The following ANKMY2 variants were observed in gnomAD, a reference collection of about 807,000 sequenced individuals.
The protein encoded by ANKMY2 is ankyrin repeat and MYND domain containing 2.
In ANKMY2, 36 loss-of-function variants were observed where a neutral mutation model predicts 50.4. The observed-to-expected ratio is 0.71, with a 90% CI of 0.55 to 0.94. The LOEUF is 0.94. ANKMY2 is among the 40% of genes least tolerant of loss of function. The pLI is 0.00. For synonymous variants in ANKMY2, 187 were observed against 178.8 expected, an observed-to-expected ratio of 1.05 and a Z score of -0.36; for missense variants, 565 against 524.0, an observed-to-expected ratio of 1.08 and a Z score of -0.76.
At chr7:16,644,443 G>T (rs1329709398) in intron 1 of ANKMY2, among the ~76,000 whole-genome samples, 7 of 152,116 alleles carry the variant, frequency 4.6e-5, no homozygotes, top group Non-Finnish European at 1.0e-4. Flanking sequence ...TTTCCTTGTC[G>T]CTATGAAGAA....
intron 2 of ANKMY2, among the ~76,000 whole-genome samples, chr7:16,634,691 C>T (rs893716421): frequency 6.6e-6 from 1 of 152,102 alleles, no homozygotes; most frequent in South Asian, 2.1e-4. Flanking sequence ...AGTGCCTGTT[C>T]CCACCAGCCA....
chr7:16,640,542 T>C (rs1404495067), intron 1 of ANKMY2, among the ~76,000 whole-genome samples: 1 of 152,092 alleles, frequency 6.6e-6, no homozygotes, highest in Non-Finnish European at 1.5e-5. Context: ...TTTTTATAGA[T>C]ACAGGGCCTT....
intron 7 of ANKMY2, among the ~76,000 whole-genome samples, chr7:16,606,113 G>C (rs115744277): frequency 6.6e-6 from 1 of 151,972 alleles, no homozygotes; most frequent in Non-Finnish European, 1.5e-5. Context: ...CACCGCGCCT[G>C]GCCTATAAAC....
chr7:16,614,596 T>C (rs937496073), intron 5 of ANKMY2, among the ~76,000 whole-genome samples: 2 of 152,202 alleles, frequency 1.3e-5, no homozygotes, highest in Admixed American at 6.5e-5. Context: ...GTAATAAGAT[T>C]ATACACATTT....
At chr7:16,634,244 T>C (rs1166700543) in intron 2 of ANKMY2, among the ~76,000 whole-genome samples, 1 of 152,242 alleles carries the variant, frequency 6.6e-6, no homozygotes, top group South Asian at 2.1e-4. Flanking sequence ...ACCAGAGTTA[T>C]CTTCTTCCTA....
At chr7:16,606,393 C>T (rs943569636) in intron 7 of ANKMY2, among the ~76,000 whole-genome samples, 4 of 150,980 alleles carry the variant, frequency 2.6e-5, no homozygotes, top group Non-Finnish European at 5.9e-5. Flanking sequence ...CGTGTCACTA[C>T]ACTCCAGCCT....
intron 1 of ANKMY2, 77 bp downstream of exon 1, chr7:16,645,430 G>A: frequency 1.4e-6 from 2 of 1,427,118 alleles, no homozygotes; most frequent in South Asian, 1.4e-5. Flanking sequence ...GGTCACCCAG[G>A]CCAGGAGCGC....
intron 4 of ANKMY2, among the ~76,000 whole-genome samples, chr7:16,617,930 T>G (rs117213247): frequency 0.27 from 36,524 of 136,168 alleles, 5,276 homozygotes; most frequent in South Asian, 0.34. Flanking sequence ...TTTTTTTTTT[T>G]TTTTTTTTTT....
intron 5 of ANKMY2, among the ~76,000 whole-genome samples, chr7:16,614,746 T>G (rs570069222): frequency 6.6e-6 from 1 of 152,338 alleles, no homozygotes; most frequent in Non-Finnish European, 1.5e-5. Context: ...TTTTACTACA[T>G]GATAGTAACG....
At position 16,604,823 on chromosome 7, in the gene ANKMY2, G is replaced by A; in HGVS notation, c.909C>T (p.Val303=). 1 of 1,613,884 alleles carries A rather than the reference G, an allele frequency of 6.2e-7. No homozygotes were observed. The highest frequency in any genetic ancestry group is 1.1e-5 in the South Asian group (1 of 91,054). ...EIGSDPTAFS[V]LTQAITGQVG... ...CCTGGCCAGTGATGGCTTGGGTAAG[G>A]ACGGAGAATGCAGTGGGATCAGAAC... Residue 303 remains valine, a synonymous_variant, in exon 8 of 10, where the codon GTC becomes GTT. Transcript: ENST00000306999.
chr7:16,601,395 G>T (rs1306144009), intron 9 of ANKMY2, among the ~76,000 whole-genome samples: 1 of 152,222 alleles, frequency 6.6e-6, no homozygotes, highest in African/African-American at 2.4e-5. Flanking sequence ...TTTGGTGCAT[G>T]AATGATGCTT....
At chr7:16,644,026 G>C (rs752287124) in intron 1 of ANKMY2, among the ~76,000 whole-genome samples, 1 of 152,080 alleles carries the variant, frequency 6.6e-6, no homozygotes, top group African/African-American at 2.4e-5. Context: ...AAGAGACAGC[G>C]AGAGCGAGAG....
chr7:16,626,550 C>T (rs1781509208), intron 3 of ANKMY2, among the ~76,000 whole-genome samples: 1 of 152,128 alleles, frequency 6.6e-6, no homozygotes, highest in Non-Finnish European at 1.5e-5. Context: ...TACAGATAAT[C>T]CCACTTAATT....
intron 4 of ANKMY2, 37 bp downstream of exon 4, chr7:16,624,946 G>C: frequency 6.4e-7 from 1 of 1,550,980 alleles, no homozygotes; most frequent in African/African-American, 1.4e-5. Context: ...GGGAAATTTT[G>C]GGTATAATCT....
intron 7 of ANKMY2, among the ~76,000 whole-genome samples, chr7:16,606,487 CCT>C (rs1382661729): frequency 6.6e-6 from 1 of 151,816 alleles, no homozygotes; most frequent in East Asian, 1.9e-4. Flanking sequence ...GCTACTAAAA[CCT>C]ATTTAGCAAA....
At position 16,640,482 on chromosome 7, in the gene ANKMY2, G is replaced by C. The variant is rs79932251; in HGVS notation, c.68-4027C>G. On this transcript the variant is annotated intron_variant, in intron 1 of 9. Transcript: ENST00000306999. Reference sequence around the variant, plus strand: ...TCAGCAATTCATCACACAACCATGAGATTCAAACACGTATAGATTTCAATC... The same window carrying C: ...TCAGCAATTCATCACACAACCATGACATTCAAACACGTATAGATTTCAATC... 8.7e-3 allele frequency among the ~76,000 whole-genome samples: 1,321 copies of C among 152,214 alleles called. 24 individuals carry two copies. Among genetic ancestry groups the C allele is most frequent in the African/African-American group, 0.03 (1,233 of 41,516 alleles).
chr7:16,611,974 CT>C (rs1262831315), intron 5 of ANKMY2, among the ~76,000 whole-genome samples: 1 of 152,182 alleles, frequency 6.6e-6, no homozygotes, highest in Non-Finnish European at 1.5e-5. Context: ...GAGAGCTTTC[CT>C]TTCACTTAAT....
chr7:16,622,645 C>CA (rs1011968803), intron 4 of ANKMY2, among the ~76,000 whole-genome samples: 5 of 151,938 alleles, frequency 3.3e-5, no homozygotes, highest in African/African-American at 1.2e-4. Flanking sequence ...GAGGCTGAGG[C>CA]AGGAGAATCA....
chr7:16,628,328 A>G (rs1171848874), intron 2 of ANKMY2, among the ~76,000 whole-genome samples: 1 of 152,176 alleles, frequency 6.6e-6, no homozygotes. Context: ...AGTACACACT[A>G]TGTTCAGAGG....
Sources: gnomAD v4.1 joint callset for allele counts (sites outside exome capture counted in the v4.1 genomes callset) on GRCh38, gnomAD v4.1.1 for gene constraint, MANE v1.5 for transcripts, NCBI Gene and HGNC (gene_info 2026-07-23, HGNC 2026-07-21) for gene names.